The following LAMA5 variants were observed in gnomAD, a reference collection of about 807,000 sequenced individuals.
LAMA5 encodes the protein laminin subunit alpha 5.
Under a neutral mutation model 433.4 loss-of-function variants are expected in LAMA5, and 260 were observed. The ratio of observed to expected loss-of-function variants is 0.60; its 90% CI spans 0.54 to 0.66. The LOEUF (loss-of-function observed/expected upper bound fraction) is 0.66. Ranked by LOEUF, LAMA5 falls within the 30% of genes least tolerant of loss-of-function variation. LAMA5 has a pLI of 0.00. For synonymous variants in LAMA5, 2,620 were observed against 2,226.6 expected, an observed-to-expected ratio of 1.18 and a Z score of -4.97; for missense variants, 5,378 against 5,258.5, an observed-to-expected ratio of 1.02 and a Z score of -0.70.
At position 62,309,372 on chromosome 20, in the gene LAMA5, G is replaced by T. The variant is rs749611869; in HGVS notation, c.11052C>A (p.His3684Gln). 1 of 1,590,544 alleles carries T rather than the reference G, an allele frequency of 6.3e-7. No homozygotes were observed. ...GGCAGCCACTGGCCCCCACTGCCCC[G>T]TGGACCTCCACAGAGCGAGTCATGG... ...PVAMTRSVEV[H>Q]GAVGASGCPA... The change falls in exon 80 of 80, where the codon CAC becomes CAA. Residue 3684 changes from histidine (H) to glutamine (Q), a missense_variant. Transcript: ENST00000252999.
chr20:62,332,110 G>A (rs1601350956), intron 28 of LAMA5, among the ~76,000 whole-genome samples: 1 of 152,168 alleles, frequency 6.6e-6, no homozygotes, highest in South Asian at 2.1e-4. Context: ...GTCTGTGCCA[G>A]GAGGTGGCTG....
At chr20:62,312,802 C>T in intron 66 of LAMA5, 22 bp from the exon 67 acceptor site, 1 of 1,597,174 alleles carries the variant, frequency 6.3e-7, no homozygotes, top group East Asian at 2.3e-5. Flanking sequence ...GTGGGGGCTC[C>T]AGGGCCAGCT....
chr20:62,338,474 A>G lies in LAMA5; in HGVS notation c.1612T>C (p.Cys538Arg). The G allele has an allele frequency of 6.2e-7, 1 of 1,608,588 alleles. No homozygotes were observed. The highest frequency in any genetic ancestry group is 8.5e-7 in the Non-Finnish European group (1 of 1,178,478). ...LCAPGFYGPG[C>R]QPCQCSSPGV... ...GCGGGGAGAGGGGACTCACGCTGGC[A>G]GCCGGGGCCGTAGAACCCTGGCGCG... The change falls in exon 12 of 80, where the codon TGC becomes CGC. Residue 538 changes from cysteine to arginine, a missense_variant. Physicochemically the swap from Cys to Arg is radical, Grantham distance 180 (BLOSUM62 -3). Transcript: ENST00000252999.
intron 45 of LAMA5, among the ~76,000 whole-genome samples, 193 bp from the exon 46 acceptor site, chr20:62,322,951 AGACTCCCTGCCATG>A (rs1295573782): frequency 6.6e-6 from 1 of 151,410 alleles, no homozygotes; most frequent in African/African-American, 2.4e-5. Flanking sequence ...AGGGACCTGC[AGACTCCCTGCCATG>A]GCCTGCCCTG....
chr20:62,334,834 C>T (rs1981271268), intron 20 of LAMA5, among the ~76,000 whole-genome samples, 187 bp downstream of exon 20: 1 of 146,244 alleles, frequency 6.8e-6, no homozygotes, highest in Non-Finnish European at 1.5e-5. Flanking sequence ...GGAGAGGAAG[C>T]CACGCATCTG....
intron 32 of LAMA5, 96 bp from the exon 33 acceptor site, chr20:62,329,349 C>T (rs376174924): frequency 3.3e-6 from 3 of 913,098 alleles, no homozygotes; most frequent in East Asian, 2.6e-5. Context: ...GCAGGCAGCT[C>T]AGAGTCCTGG....
chr20:62,337,830 C>G lies in LAMA5; in HGVS notation c.2000G>C (p.Gly667Ala), dbSNP rs752270359. The G allele has an allele frequency of 6.2e-7, 1 of 1,612,740 alleles. No homozygotes were observed. Among genetic ancestry groups the G allele is most frequent in the South Asian group, 1.1e-5 (1 of 91,070 alleles). ...TGTACQECSP[G>A]FHGFPSCVPC... is the part of the protein sequence containing the mutation. ...GACACAGCTGGGGAAGCCGTGAAAG[C>G]CGGGGCTGCATTCCTGGCAGGCAGT... Residue 667 changes from glycine to alanine, a missense_variant, in exon 15 of 80, where the codon GGC becomes GCC. Transcript: ENST00000252999.
At position 62,353,149 on chromosome 20, in the gene LAMA5, AGGGCT is replaced by A; in HGVS notation, c.548_552del (p.Gln183LeufsTer68). On this transcript the variant is annotated frameshift_variant, in exon 3 of 80. Coordinates refer to ENST00000252999, the MANE Select transcript of LAMA5 (RefSeq NM_005560.6). LOFTEE classifies it high-confidence loss of function. Reference sequence around the variant, plus strand: ...AGAGACTCACAGGCAAAGAACTGCCAGGGCTGGTAGGTGCGGCCGAAGTCCATGGA... The same window carrying A: ...AGAGACTCACAGGCAAAGAACTGCCAGGTAGGTGCGGCCGAAGTCCATGGA... 6.3e-7 allele frequency: 1 copy of A among 1,575,538 alleles called. No homozygotes were observed. The highest frequency in any genetic ancestry group is 8.6e-7 in the Non-Finnish European group (1 of 1,160,926).
chr20:62,317,412 G>C lies in LAMA5; in HGVS notation c.7444C>G (p.Leu2482Val), dbSNP rs1476155092. ...MQTFSPAGSK[L>V]RLVEAAEAHA... ...GCCTCGGCGGCCTCCACTAGACGCAGCTTGCTGCCCGCCGGGGAGAAGGTC... is the reference window on the plus strand; with the variant it reads ...GCCTCGGCGGCCTCCACTAGACGCACCTTGCTGCCCGCCGGGGAGAAGGTC... Residue 2482 changes from leucine to valine, a missense_variant, in exon 55 of 80, where the codon CTG becomes GTG. Physicochemically the swap from Leu to Val is conservative, Grantham distance 32. Coordinates refer to ENST00000252999, the MANE Select transcript of LAMA5 (RefSeq NM_005560.6). The C allele has an allele frequency of 6.2e-7, 1 of 1,608,306 alleles. No individual in the cohort carries two copies. The highest frequency in any genetic ancestry group is 2.2e-5 in the East Asian group (1 of 44,784).
At position 62,333,487 on chromosome 20, in the gene LAMA5, G is replaced by T; in HGVS notation, c.3022-6C>A. On this transcript the variant is annotated splice_region_variant and splice_polypyrimidine_tract_variant and intron_variant, in intron 24 of 79. Coordinates refer to ENST00000252999, the MANE Select transcript of LAMA5 (RefSeq NM_005560.6). ...GGCAGCAGAACCACGTAGTCCTGCAGGGTGGAGGTGGTGCTGAGAGTGGTG... is the reference window on the plus strand; with the variant it reads ...GGCAGCAGAACCACGTAGTCCTGCATGGTGGAGGTGGTGCTGAGAGTGGTG... The T allele has an allele frequency of 1.2e-6, 2 of 1,609,388 alleles. No homozygotes were observed. The highest frequency in any genetic ancestry group is 1.7e-6 in the Non-Finnish European group (2 of 1,178,566).
At chr20:62,363,090 G>T (rs1289218302) in intron 1 of LAMA5, among the ~76,000 whole-genome samples, 1 of 152,128 alleles carries the variant, frequency 6.6e-6, no homozygotes, top group Non-Finnish European at 1.5e-5. Flanking sequence ...GCGGAAGGGG[G>T]AGCTGCAGAC....
rs1339459308 is a variant in LAMA5 at position 62,332,558 on chromosome 20, T to C, written c.3442A>G (p.Ser1148Gly). ...CCAGCCCCACCGGCTCCCACTCACC[T>C]GTACAGGCAGGGGTGCAGGGAGAGC... Reference protein sequence around the residue: ...GLLSLHPCLYSTLCRGTARDT... With the variant: ...GLLSLHPCLYGTLCRGTARDT... The change falls in exon 27 of 80, where the codon AGC (serine) becomes GGC (glycine). Residue 1148 changes from serine to glycine, a missense_variant and splice_region_variant. Transcript: ENST00000252999. The C allele has an allele frequency of 1.3e-6, 2 of 1,597,720 alleles. No homozygotes were observed. Among genetic ancestry groups the C allele is most frequent in the African/African-American group, 2.7e-5 (2 of 74,566 alleles).
chr20:62,331,040 G>T lies in LAMA5; in HGVS notation c.3642C>A (p.Gly1214=). Residue 1214 remains glycine (G), a synonymous_variant, in exon 29 of 80, where the codon GGC becomes GGA. Coordinates refer to ENST00000252999, the MANE Select transcript of LAMA5 (RefSeq NM_005560.6). The stretch of plus-strand genomic sequence containing the variant: ...CCATTACCTGCCATTACCTGTTGGG[G>T]CCAAAGGCGCCGTGGCTGCTGATGC... ...VSCISSHGAF[G]PNSAACLPSR... 1 of 1,597,612 alleles carries T rather than the reference G, an allele frequency of 6.3e-7. No homozygotes were observed. The highest frequency in any genetic ancestry group is 8.5e-7 in the Non-Finnish European group (1 of 1,173,016).
chr20:62,346,102 T>A lies in LAMA5; in HGVS notation c.1396A>T (p.Thr466Ser). 3 of 1,612,972 alleles carry A rather than the reference T, an allele frequency of 1.9e-6. No individual in the cohort carries two copies. The highest frequency in any genetic ancestry group is 2.5e-6 in the Non-Finnish European group (3 of 1,179,980). Residue 466 changes from threonine (T) to serine (S), a missense_variant, in exon 10 of 80, where the codon ACG becomes TCG. Physicochemically the swap from Thr to Ser is moderately conservative, Grantham distance 58. Transcript: ENST00000252999. ...TCACGGTAGCAGCTTGGGAAGCCCG[T>A]GAAGCCCTCGGCACACACGTCACAC... ...ERCDVCAEGF[T>S]GFPSCYPTPS... is the part of the protein sequence containing the mutation.
chr20:62,327,073 G>T, intron 38 of LAMA5, 107 bp from the exon 39 acceptor site: 1 of 1,097,174 alleles, frequency 9.1e-7, no homozygotes, highest in South Asian at 1.5e-5. Flanking sequence ...TGCTGGGCCT[G>T]GATACTTGCG....
Position 62,356,675 on chromosome 20 carries a change from A to ACGGGGCC in LAMA5, c.451-3431_451-3425dup, listed in dbSNP as rs1482611748. On this transcript the variant is annotated intron_variant, in intron 2 of 79. Coordinates refer to ENST00000252999, the MANE Select transcript of LAMA5 (RefSeq NM_005560.6). The stretch of plus-strand genomic sequence containing the variant: ...GGGGGTGGGCAAGAGCCCCAGGAGT[A>ACGGGGCC]CGGGGCCCAGGACCCAGGGCCCAGG... Among the ~76,000 whole-genome samples the ACGGGGCC allele has an allele frequency of 2.6e-5, 4 of 151,856 alleles. No homozygotes were observed. The East Asian group carries it at 7.8e-4, about 29-fold the overall frequency.
At position 62,362,401 on chromosome 20, in the gene LAMA5, T is replaced by C. The variant is rs1395837852; in HGVS notation, c.449A>G (p.Gln150Arg). 1 of 1,531,524 alleles carries C rather than the reference T, an allele frequency of 6.5e-7. No individual in the cohort carries two copies. Among genetic ancestry groups the C allele is most frequent in the South Asian group, 1.2e-5 (1 of 80,812 alleles). The allele number at this position is 1,531,524 out of a possible 1,614,324, so 94.9% of individuals were successfully genotyped here. A position where few individuals can be genotyped will look rare whatever the true frequency, so the allele number is the denominator to read the frequency against. ...CAGCACGCAAAGAAGGGTCCCTACC[T>C]GGCCCAGGTCCAGGGTGACGTTGAC... The part of the protein sequence containing the change: ...NEVNVTLDLG[Q>R]VFHVAYVLIK... The change falls in exon 2 of 80, where the codon CAG becomes CGG. Residue 150 changes from glutamine to arginine, a missense_variant and splice_region_variant. Coordinates refer to ENST00000252999, the MANE Select transcript of LAMA5 (RefSeq NM_005560.6).
intron 40 of LAMA5, 125 bp downstream of exon 40, chr20:62,326,552 C>T (rs539484931): frequency 7.4e-5 from 54 of 731,418 alleles, no homozygotes; most frequent in South Asian, 3.2e-4. Context: ...GCCCCCACCC[C>T]GCTTCTGCTC....
chr20:62,352,351 C>T lies in LAMA5; in HGVS notation c.578G>A (p.Arg193Lys), dbSNP rs1254461761. The T allele has an allele frequency of 6.3e-7, 1 of 1,598,582 alleles. No individual in the cohort carries two copies. Among genetic ancestry groups the T allele is most frequent in the Non-Finnish European group, 8.5e-7 (1 of 1,179,340 alleles). ...TGGCCCGAACCGCTCCAGACAGTCC[C>T]TCTTGGAGGCTGCGGGGAATGGCGG... ...QPWQFFASSK[R>K]DCLERFGPQT... Residue 193 changes from arginine (R) to lysine (K), a missense_variant, in exon 4 of 80, where the codon AGG (arginine) becomes AAG (lysine). By Grantham distance (26) the Arg-to-Lys change is conservative (BLOSUM62 2). Transcript: ENST00000252999.
Sources: allele counts gnomAD v4.1 joint callset (sites outside exome capture counted in the v4.1 genomes callset), GRCh38; gene constraint gnomAD v4.1.1; transcripts MANE v1.5; gene names NCBI Gene and HGNC (gene_info 2026-07-23, HGNC 2026-07-21).